The following STPG2 variants were observed in gnomAD, a reference collection of about 807,000 sequenced individuals.
STPG2 encodes sperm tail PG-rich repeat containing 2, also known as sperm-tail PG-rich repeat-containing protein 2.
STPG2 carries 56 observed loss-of-function variants against 54.2 expected under a neutral mutation model. That is an observed-to-expected ratio of 1.03 (90% CI 0.83 to 1.29). The LOEUF is 1.29. STPG2 is among the 50% of genes most tolerant of loss of function. STPG2 has a pLI of 0.00. For synonymous variants in STPG2, 200 were observed against 181.8 expected, an observed-to-expected ratio of 1.10 and a Z score of -0.81; for missense variants, 596 against 544.9, an observed-to-expected ratio of 1.09 and a Z score of -0.93.
At chr4:97,457,546 C>A (rs757127141) in intron 4 of STPG2, among the ~76,000 whole-genome samples, 19 of 152,170 alleles carry the variant, frequency 1.2e-4, no homozygotes, top group African/African-American at 4.6e-4. Flanking sequence ...TCACCTCACA[C>A]CCCCTAGGTG....
At chr4:97,728,228 C>A (rs549013621) in intron 9 of STPG2, among the ~76,000 whole-genome samples, 1 of 151,966 alleles carries the variant, frequency 6.6e-6, no homozygotes, top group Admixed American at 6.6e-5. Flanking sequence ...AAAAAAAAAT[C>A]TCAGCAGCAT....
At chr4:97,564,317 CTA>C in intron 10 of STPG2, among the ~76,000 whole-genome samples, 1 of 152,216 alleles carries the variant, frequency 6.6e-6, no homozygotes, top group East Asian at 1.9e-4. Context: ...CATTTTGAGC[CTA>C]TGTGTGTCTC....
At chr4:97,940,752 A>G (rs976464048) in intron 8 of STPG2, among the ~76,000 whole-genome samples, 1 of 152,180 alleles carries the variant, frequency 6.6e-6, no homozygotes, top group Non-Finnish European at 1.5e-5. Context: ...GATTTATATT[A>G]TCATTATTAT....
At chr4:97,987,508 T>C (rs900156753) in intron 5 of STPG2, among the ~76,000 whole-genome samples, 1 of 152,102 alleles carries the variant, frequency 6.6e-6, no homozygotes, top group African/African-American at 2.4e-5. Context: ...ATTCAGTAAG[T>C]TCTGAGGTTG....
chr4:97,634,390 G>A (rs1477684024), intron 10 of STPG2, among the ~76,000 whole-genome samples: 2 of 152,036 alleles, frequency 1.3e-5, no homozygotes, highest in Admixed American at 1.3e-4. Flanking sequence ...CAAAGATGGG[G>A]AAAAAACAGA....
chr4:97,891,543 T>C (rs1050759946), intron 8 of STPG2, among the ~76,000 whole-genome samples: 3 of 152,138 alleles, frequency 2.0e-5, no homozygotes, highest in African/African-American at 7.2e-5. Flanking sequence ...AAATAGTATG[T>C]TGTTATTTTA....
intron 5 of STPG2, among the ~76,000 whole-genome samples, chr4:97,998,369 C>A (rs1481128236): frequency 6.6e-6 from 1 of 152,170 alleles, no homozygotes; most frequent in African/African-American, 2.4e-5. Flanking sequence ...TACAGCCAAC[C>A]CCTCTGAGGT....
At chr4:98,058,998 G>A (rs1189650504) in intron 5 of STPG2, among the ~76,000 whole-genome samples, 1 of 148,644 alleles carries the variant, frequency 6.7e-6, no homozygotes, top group Non-Finnish European at 1.5e-5. Flanking sequence ...AAAAAACAGA[G>A]CTGAACTGCA....
intron 4 of STPG2, among the ~76,000 whole-genome samples, chr4:97,519,763 G>GA (rs555144898): frequency 1.9e-4 from 29 of 148,956 alleles, no homozygotes; most frequent in Admixed American, 4.7e-4. Flanking sequence ...GATTATTTCA[G>GA]AAAAAAAAAT....
At chr4:97,670,428 TA>T (rs1274321485) in intron 10 of STPG2, among the ~76,000 whole-genome samples, 3 of 152,240 alleles carry the variant, frequency 2.0e-5, no homozygotes, top group African/African-American at 7.2e-5. Flanking sequence ...CTCAAGTAGT[TA>T]ATTTAAATAA....
intron 10 of STPG2, among the ~76,000 whole-genome samples, chr4:97,702,427 C>T (rs765342385): frequency 2.6e-4 from 40 of 152,112 alleles, no homozygotes; most frequent in Non-Finnish European, 3.4e-4. Flanking sequence ...TGTAACACAC[C>T]TTCTCATGGG....
rs1344708455 is a variant in STPG2 at position 97,742,126 on chromosome 4, A to C, written c.1205-29312T>G. On this transcript the variant is annotated intron_variant, in intron 9 of 10. Transcript: ENST00000295268. Reference sequence around the variant, plus strand: ...AACTATCGCAAGAAAAAAAAACCAAACACCGCATATTCTCACTCATAGGTG... The same window carrying C: ...AACTATCGCAAGAAAAAAAAACCAACCACCGCATATTCTCACTCATAGGTG... 4.6e-5 allele frequency among the ~76,000 whole-genome samples: 7 copies of C among 152,148 alleles called. No homozygotes were observed. The East Asian group carries it at 1.4e-3, about 29-fold the overall frequency.
At chr4:97,654,699 G>A (rs1560705120) in intron 10 of STPG2, among the ~76,000 whole-genome samples, 1 of 151,664 alleles carries the variant, frequency 6.6e-6, no homozygotes, top group Non-Finnish European at 1.5e-5. Flanking sequence ...GAGAAGAGCG[G>A]CCAGAACACA....
intron 10 of STPG2, among the ~76,000 whole-genome samples, chr4:97,619,239 ATG>A (rs564830016): frequency 9.3e-4 from 140 of 150,766 alleles, no homozygotes; most frequent in Non-Finnish European, 1.7e-3. Context: ...GTGTGTGTGT[ATG>A]TGTGTGTGTG....
chr4:97,506,019 CAAAA>C (rs59206485), intron 4 of STPG2, among the ~76,000 whole-genome samples: 7 of 16,930 alleles, frequency 4.1e-4, no homozygotes, highest in African/African-American at 9.9e-4. Flanking sequence ...AATAGGAGAC[CAAAA>C]AAAAAAAAAA....
At chr4:98,079,942 A>T (rs1257990404) in intron 5 of STPG2, among the ~76,000 whole-genome samples, 4 of 152,124 alleles carry the variant, frequency 2.6e-5, no homozygotes, top group African/African-American at 9.7e-5. Flanking sequence ...TTAAAAATTT[A>T]TAGAGATGGT....
chr4:97,836,969 G>A (rs1437993683), intron 9 of STPG2, among the ~76,000 whole-genome samples: 1 of 151,088 alleles, frequency 6.6e-6, no homozygotes, highest in Non-Finnish European at 1.5e-5. Flanking sequence ...CCCTGGAAGA[G>A]TGCTTAATAC....
chr4:98,127,794 T>C (rs1390542439), intron 3 of STPG2, among the ~76,000 whole-genome samples: 1 of 152,220 alleles, frequency 6.6e-6, no homozygotes, highest in African/African-American at 2.4e-5. Context: ...GAATTAGCTA[T>C]ATTGTAACTG....
At position 97,575,291 on chromosome 4, in the gene STPG2, A is replaced by G. The variant is rs566110469; in HGVS notation, c.1321-16174T>C. On this transcript the variant is annotated intron_variant, in intron 10 of 10. Transcript: ENST00000295268. ...ATGATTCCTCCCCAACTCATTCTAC[A>G]AAGTCAGCATCATTCTGATCCCAAA... is the stretch of plus-strand genomic sequence containing the variant. 2.4e-4 allele frequency among the ~76,000 whole-genome samples: 36 copies of G among 152,154 alleles called. 1 individual carries two copies. The highest frequency in any genetic ancestry group is 7.5e-4 in the African/African-American group (31 of 41,556).
Sources: gnomAD v4.1 joint callset for allele counts (sites outside exome capture counted in the v4.1 genomes callset) on GRCh38, gnomAD v4.1.1 for gene constraint, MANE v1.5 for transcripts, NCBI Gene and HGNC (gene_info 2026-07-23, HGNC 2026-07-21) for gene names.